NPAS3: variants seen among roughly 807,000 people sequenced by gnomAD.
The protein encoded by NPAS3 is neuronal PAS domain-containing protein 3.
In NPAS3, 14 loss-of-function variants were observed where a neutral mutation model predicts 73.1. The observed-to-expected ratio is 0.19, with a 90% CI of 0.13 to 0.30. The LOEUF (loss-of-function observed/expected upper bound fraction) is 0.30, where lower values mean the gene tolerates loss of function less well. Among genes scored for constraint, NPAS3 ranks in the 10% least tolerant of loss-of-function variants. NPAS3 has a pLI of 1.00. For missense variants in NPAS3, 1,096 were observed against 1,250.0 expected (o/e 0.88, Z 1.86); for synonymous variants, 620 against 541.5 (o/e 1.14, Z -2.01).
Position 33,557,326 on chromosome 14 carries a change from A to G in NPAS3, c.469-2795A>G, listed in dbSNP as rs183579854. On this transcript the variant is annotated intron_variant, in intron 4 of 11. Transcript: ENST00000356141. ...GAAATATTTCGCAGCAAAGGTGGCC[A>G]GGTAACCTCCTGTGGAAGTAACTTA... Among the ~76,000 whole-genome samples, 3 of 152,310 alleles carry G rather than the reference A, an allele frequency of 2.0e-5. No individual in the cohort carries two copies. The East Asian group carries it at 5.8e-4, about 29-fold the overall frequency.
chr14:33,037,806 A>G (rs900125053), intron 1 of NPAS3, among the ~76,000 whole-genome samples: 1 of 152,244 alleles, frequency 6.6e-6, no homozygotes, highest in African/African-American at 2.4e-5. Flanking sequence ...AAATAATTTA[A>G]GAGGACATTT....
intron 6 of NPAS3, among the ~76,000 whole-genome samples, chr14:33,733,374 G>A (rs974101042): frequency 6.6e-6 from 1 of 151,618 alleles, no homozygotes; most frequent in African/African-American, 2.4e-5. Context: ...GAAAAAATTG[G>A]TTCTAAGGGT....
In NPAS3 at chr14:33,350,997, C is replaced by T. The variant is rs74042064; in HGVS notation, c.386-16189C>T. On this transcript the variant is annotated intron_variant, in intron 3 of 11. Coordinates refer to ENST00000356141, the Ensembl canonical transcript of NPAS3. ...TGAGCATGAGGTAATTAGAGCCCTC[C>T]AAGCTTGAAATTCATGAACCTTATT... Among the ~76,000 whole-genome samples, 1,300 of 152,248 alleles carry T rather than the reference C, an allele frequency of 8.5e-3. 18 individuals carry two copies. The highest frequency in any genetic ancestry group is 0.03 in the African/African-American group (1,237 of 41,548).
At chr14:33,373,329 A>C (rs2046174388) in intron 4 of NPAS3, among the ~76,000 whole-genome samples, 1 of 152,054 alleles carries the variant, frequency 6.6e-6, no homozygotes, top group Non-Finnish European at 1.5e-5. Flanking sequence ...AACCTAGTAC[A>C]TGGAAATTGT....
At chr14:33,542,001 AG>A (rs1184634603) in intron 4 of NPAS3, among the ~76,000 whole-genome samples, 1 of 152,144 alleles carries the variant, frequency 6.6e-6, no homozygotes, top group Non-Finnish European at 1.5e-5. Flanking sequence ...TGCCCTTTGT[AG>A]TAGCCACCTA....
intron 2 of NPAS3, among the ~76,000 whole-genome samples, chr14:33,112,878 T>C (rs2042942348): frequency 6.6e-6 from 1 of 152,302 alleles, no homozygotes; most frequent in East Asian, 1.9e-4. Flanking sequence ...TTCAGCTTTC[T>C]ACATATGGCT....
chr14:33,175,925 C>T (rs375869926), intron 2 of NPAS3, among the ~76,000 whole-genome samples: 1 of 151,588 alleles, frequency 6.6e-6, no homozygotes, highest in Non-Finnish European at 1.5e-5. Flanking sequence ...ACAACAACAA[C>T]AAAAAAAATC....
At chr14:33,254,634 G>A (rs527256677) in intron 3 of NPAS3, among the ~76,000 whole-genome samples, 3 of 152,212 alleles carry the variant, frequency 2.0e-5, no homozygotes, top group South Asian at 2.1e-4. Context: ...ATCACTCTTT[G>A]AGGCAACCAG....
At chr14:33,085,072 G>A (rs2041978563) in intron 2 of NPAS3, among the ~76,000 whole-genome samples, 1 of 152,094 alleles carries the variant, frequency 6.6e-6, no homozygotes, top group Admixed American at 6.6e-5. Context: ...AAAAGTTCAA[G>A]GCACATGAAT....
At chr14:32,994,945 C>A (rs1329052862) in intron 1 of NPAS3, among the ~76,000 whole-genome samples, 1 of 152,126 alleles carries the variant, frequency 6.6e-6, no homozygotes, top group Non-Finnish European at 1.5e-5. Context: ...TCTAGTATTT[C>A]TATTTTAAAT....
chr14:33,081,766 C>CA (rs566311514), intron 2 of NPAS3, among the ~76,000 whole-genome samples: 281 of 152,296 alleles, frequency 1.8e-3, no homozygotes, highest in Admixed American at 4.6e-3. Context: ...TAGTCTCAGC[C>CA]AAAAGGAACC....
rs191322581 is a variant in NPAS3 at position 33,484,222 on chromosome 14, A to G, written c.469-75899A>G. Among the ~76,000 whole-genome samples the G allele has an allele frequency of 5.4e-4, 82 of 152,250 alleles. 1 individual carries two copies. The East Asian group carries it at 0.016, about 29-fold the overall frequency. ...CGGCAGGGTTGTAGTTGTGAATAGG[A>G]TGGTCAGGGAACACCTCGTGAAAGG... On this transcript the variant is annotated intron_variant, in intron 4 of 11. Coordinates refer to ENST00000356141, the Ensembl canonical transcript of NPAS3.
intron 1 of NPAS3, among the ~76,000 whole-genome samples, chr14:33,053,323 C>A (rs1191444589): frequency 6.6e-6 from 1 of 152,148 alleles, no homozygotes; most frequent in African/African-American, 2.4e-5. Flanking sequence ...CTTAGTTTGA[C>A]TTCTTGTAAC....
At position 33,132,054 on chromosome 14, in the gene NPAS3, G is replaced by T. The variant is rs570628084; in HGVS notation, c.140+76060G>T. 5.3e-5 allele frequency among the ~76,000 whole-genome samples: 8 copies of T among 152,162 alleles called. No homozygotes were observed. In the East Asian group the frequency reaches 1.5e-3, roughly 29 times the overall value. ...GAGAAGAAAGAGCCATTATTTAAGT[G>T]GTTCATGTATTCATTTAAACTGTAA... On this transcript the variant is annotated intron_variant, in intron 2 of 11. Coordinates refer to ENST00000356141, the Ensembl canonical transcript of NPAS3.
At chr14:33,215,340 A>C in exon 3 of NPAS3, 1 of 1,595,166 alleles carries the variant, frequency 6.3e-7, no homozygotes, top group South Asian at 1.1e-5. Context: ...ACAATTAGCT[A>C]TCTGAAAATG....
chr14:33,751,334 A>ATTCG (rs1196706516), intron 7 of NPAS3, among the ~76,000 whole-genome samples: 1 of 152,190 alleles, frequency 6.6e-6, no homozygotes, highest in African/African-American at 2.4e-5. Flanking sequence ...AATTTTCTCC[A>ATTCG]TTCGTTTTTC....
chr14:33,747,521 A>G (rs1318104952), intron 7 of NPAS3, among the ~76,000 whole-genome samples: 1 of 152,178 alleles, frequency 6.6e-6, no homozygotes, highest in Non-Finnish European at 1.5e-5. Context: ...CCTCATCACA[A>G]TGTGATTTGA....
exon 3 of NPAS3, chr14:33,215,347 A>G: frequency 6.2e-7 from 1 of 1,604,928 alleles, no homozygotes; most frequent in Non-Finnish European, 8.5e-7. Context: ...GCTATCTGAA[A>G]ATGAGGGACT....
chr14:33,334,248 C>CA (rs1439246037), intron 3 of NPAS3, among the ~76,000 whole-genome samples: 2 of 152,126 alleles, frequency 1.3e-5, no homozygotes, highest in South Asian at 2.1e-4. Flanking sequence ...ATATACTGTG[C>CA]AATTCACTGA....
Sources: gnomAD v4.1 joint callset for allele counts (sites outside exome capture counted in the v4.1 genomes callset) on GRCh38, gnomAD v4.1.1 for gene constraint, MANE v1.5 for transcripts, NCBI Gene and HGNC (gene_info 2026-07-23, HGNC 2026-07-21) for gene names.